The following BMERB1 variants were observed in gnomAD, a reference collection of about 807,000 sequenced individuals.
BMERB1 encodes the protein bMERB domain-containing protein 1.
BMERB1 carries 12 observed loss-of-function variants against 23.6 expected under a neutral mutation model. The ratio of observed to expected loss-of-function variants is 0.51; its 90% CI spans 0.33 to 0.82. BMERB1 has a LOEUF of 0.82. Ranked by LOEUF, BMERB1 falls within the 40% of genes least tolerant of loss-of-function variation. BMERB1 has a pLI of 0.03. For missense variants in BMERB1, 247 were observed against 255.4 expected, an observed-to-expected ratio of 0.97 and a Z score of 0.22; for synonymous variants, 122 against 96.6, an observed-to-expected ratio of 1.26 and a Z score of -1.54.
intron 2 of BMERB1, among the ~76,000 whole-genome samples, chr16:15,538,304 T>A (rs2052045064): frequency 6.6e-6 from 1 of 152,048 alleles, no homozygotes; most frequent in South Asian, 2.1e-4. Flanking sequence ...AATACAAAAA[T>A]TAACTGGGCA....
At chr16:15,574,886 T>C (rs2030817912) in intron 3 of BMERB1, among the ~76,000 whole-genome samples, 1 of 152,148 alleles carries the variant, frequency 6.6e-6, no homozygotes, top group South Asian at 2.1e-4. Flanking sequence ...GAGACCAGCC[T>C]GGCCAACATG....
intron 3 of BMERB1, among the ~76,000 whole-genome samples, chr16:15,568,644 A>T (rs1216371209): frequency 6.6e-6 from 1 of 152,198 alleles, no homozygotes; most frequent in Non-Finnish European, 1.5e-5. Context: ...TCTCAAAAAA[A>T]TATATAATTA....
chr16:15,515,142 C>A (rs2051731255), intron 1 of BMERB1, among the ~76,000 whole-genome samples, 163 bp from the exon 2 acceptor site: 1 of 152,116 alleles, frequency 6.6e-6, no homozygotes, highest in South Asian at 2.1e-4. Context: ...TTTCTGGTTC[C>A]CAAAGGGTGT....
chr16:15,574,137 C>G (rs1387991926), intron 3 of BMERB1, among the ~76,000 whole-genome samples: 7 of 151,618 alleles, frequency 4.6e-5, no homozygotes, highest in African/African-American at 1.7e-4. Context: ...GAAGGAGAAG[C>G]AAGGCACTCT....
At position 15,538,340 on chromosome 16, in the gene BMERB1, C is replaced by T. The variant is rs889043822; in HGVS notation, c.230+22912C>T. On this transcript the variant is annotated intron_variant, in intron 2 of 5. Coordinates refer to ENST00000300006, the MANE Select transcript of BMERB1 (RefSeq NM_033201.3). ...TGGTGGTGTGCACCTGTAATCCCAG[C>T]TACTTGGGAGGCTGAGGCACCAGGA... Among the ~76,000 whole-genome samples, 7 of 152,046 alleles carry T rather than the reference C, an allele frequency of 4.6e-5. No individual in the cohort carries two copies. The East Asian group carries it at 1.4e-3, about 29-fold the overall frequency.
At chr16:15,532,660 C>G (rs1294619986) in intron 2 of BMERB1, among the ~76,000 whole-genome samples, 1 of 151,550 alleles carries the variant, frequency 6.6e-6, no homozygotes, top group Non-Finnish European at 1.5e-5. Context: ...ATTCGCCTGC[C>G]TCAGCCTCCC....
chr16:15,536,635 A>G (rs2150961373), intron 2 of BMERB1: 1 of 152,368 alleles, frequency 6.6e-6, no homozygotes, highest in African/African-American at 2.4e-5. Context: ...CACCAGGCCA[A>G]CATCCCCCCA....
chr16:15,563,238 T>G (rs950942555), intron 2 of BMERB1, among the ~76,000 whole-genome samples: 2 of 151,936 alleles, frequency 1.3e-5, no homozygotes, highest in Admixed American at 1.3e-4. Flanking sequence ...ACAAAAAAAT[T>G]TTTTTTTGGG....
chr16:15,490,256 G>A (rs1432513669), intron 1 of BMERB1, among the ~76,000 whole-genome samples: 50 of 152,210 alleles, frequency 3.3e-4, no homozygotes, highest in Non-Finnish European at 5.9e-5. Flanking sequence ...TGCCAGGCAG[G>A]GAACTCTCAG....
chr16:15,445,011 C>T (rs2050977165), intron 1 of BMERB1, among the ~76,000 whole-genome samples: 1 of 152,154 alleles, frequency 6.6e-6, no homozygotes, highest in Non-Finnish European at 1.5e-5. Context: ...CCGCCTAGGC[C>T]TCCGAAGTAG....
chr16:15,495,448 C>T (rs2051464138), intron 1 of BMERB1, among the ~76,000 whole-genome samples: 1 of 152,148 alleles, frequency 6.6e-6, no homozygotes, highest in Non-Finnish European at 1.5e-5. Context: ...TCACTACAAG[C>T]TCCGCCTCCC....
intron 1 of BMERB1, among the ~76,000 whole-genome samples, chr16:15,508,792 A>G (rs970079736): frequency 6.7e-6 from 1 of 148,844 alleles, no homozygotes; most frequent in Non-Finnish European, 1.5e-5. Context: ...TGCCACTGCA[A>G]TCCAGCCTGG....
intron 1 of BMERB1, among the ~76,000 whole-genome samples, chr16:15,513,200 C>T (rs969073266): frequency 5.3e-5 from 8 of 152,078 alleles, no homozygotes; most frequent in East Asian, 1.9e-4. Flanking sequence ...TAGATGTGTG[C>T]GAAGTTTTCA....
At chr16:15,442,345 A>G (rs559210657) in intron 1 of BMERB1, among the ~76,000 whole-genome samples, 4 of 152,154 alleles carry the variant, frequency 2.6e-5, no homozygotes, top group Non-Finnish European at 5.9e-5. Flanking sequence ...AAAAAAAAAA[A>G]AGAATTAGGA....
At chr16:15,586,306 G>T (rs887941742) in intron 5 of BMERB1, among the ~76,000 whole-genome samples, 2 of 152,170 alleles carry the variant, frequency 1.3e-5, no homozygotes, top group Non-Finnish European at 1.5e-5. Flanking sequence ...GGAGGTATCT[G>T]AAAAGACAAT....
chr16:15,543,330 G>A (rs937495725), intron 2 of BMERB1, among the ~76,000 whole-genome samples: 7 of 152,056 alleles, frequency 4.6e-5, no homozygotes, highest in African/African-American at 1.7e-4. Context: ...ATGGGGGCAG[G>A]GTGGTCCAGA....
chr16:15,503,527 T>C (rs1438356100), intron 1 of BMERB1, among the ~76,000 whole-genome samples: 1 of 151,102 alleles, frequency 6.6e-6, no homozygotes, highest in Non-Finnish European at 1.5e-5. Flanking sequence ...CTCGATCTCC[T>C]GACCTCGTGA....
chr16:15,548,845 TGATGGTA>T (rs2029999290), intron 2 of BMERB1, among the ~76,000 whole-genome samples: 1 of 152,078 alleles, frequency 6.6e-6, no homozygotes. Flanking sequence ...TTGCCAGTGG[TGATGGTA>T]GATAGGTGAT....
intron 1 of BMERB1, among the ~76,000 whole-genome samples, chr16:15,494,130 C>T (rs1390142703): frequency 2.0e-5 from 3 of 152,100 alleles, no homozygotes; most frequent in Non-Finnish European, 4.4e-5. Context: ...GGGGATATTT[C>T]AGAACAAATG....
Sources: allele counts gnomAD v4.1 joint callset (sites outside exome capture counted in the v4.1 genomes callset), GRCh38; gene constraint gnomAD v4.1.1; transcripts MANE v1.5; gene names NCBI Gene and HGNC (gene_info 2026-07-23, HGNC 2026-07-21).